GALNT13: variants seen among roughly 807,000 people sequenced by gnomAD.
GALNT13 encodes the protein polypeptide N-acetylgalactosaminyltransferase 13, also known as UDP-GalNAc:polypeptide N-acetylgalactosaminyltransferase 13.
In GALNT13, 28 loss-of-function variants were observed where a neutral mutation model predicts 64.2. That is an observed-to-expected ratio of 0.44 (90% CI 0.32 to 0.60). The LOEUF is 0.60. Ranked by LOEUF, GALNT13 falls within the 20% of genes least tolerant of loss-of-function variation. The probability of loss-of-function intolerance (pLI) is 0.05; values close to 1 mark genes in which losing one functional copy is unlikely to be tolerated. For missense variants in GALNT13, 577 were observed against 669.8 expected (o/e 0.86, Z 1.53); for synonymous variants, 214 against 224.6 (o/e 0.95, Z 0.42).
chr2:153,201,943 C>CCACAGGAT, the GALNT13 span, among the ~76,000 whole-genome samples: 1 of 151,148 alleles, frequency 6.6e-6, no homozygotes, highest in Non-Finnish European at 1.5e-5. Context: ...TATTAATATT[C>CCACAGGAT]CACAGGATGG....
intron 3 of GALNT13, among the ~76,000 whole-genome samples, chr2:154,113,044 C>T (rs1476915153): frequency 6.6e-6 from 1 of 152,130 alleles, no homozygotes; most frequent in Non-Finnish European, 1.5e-5. Flanking sequence ...AGAAAGCACC[C>T]AGTTCATGAT....
At chr2:153,561,485 A>G in the GALNT13 span, among the ~76,000 whole-genome samples, 1 of 152,114 alleles carries the variant, frequency 6.6e-6, no homozygotes, top group South Asian at 2.1e-4. Context: ...TATTTTGGGC[A>G]CAAAATAATG....
At chr2:153,676,014 T>A in the GALNT13 span, among the ~76,000 whole-genome samples, 1 of 151,774 alleles carries the variant, frequency 6.6e-6, no homozygotes, top group Non-Finnish European at 1.5e-5. Flanking sequence ...ACAACTACAA[T>A]CAGAGCTGAA....
At chr2:154,090,820 A>T (rs1311319636) in intron 3 of GALNT13, among the ~76,000 whole-genome samples, 3 of 152,050 alleles carry the variant, frequency 2.0e-5, no homozygotes, top group Non-Finnish European at 4.4e-5. Context: ...AGATATTAAA[A>T]ATCTAAAATA....
At chr2:153,264,004 A>G in the GALNT13 span, among the ~76,000 whole-genome samples, 4 of 152,224 alleles carry the variant, frequency 2.6e-5, no homozygotes, top group Non-Finnish European at 5.9e-5. Context: ...ATCATAGTGA[A>G]CAGACAACCC....
At chr2:153,189,594 C>T in the GALNT13 span, among the ~76,000 whole-genome samples, 2 of 152,058 alleles carry the variant, frequency 1.3e-5, no homozygotes, top group African/African-American at 4.8e-5. Context: ...ACAGTGATTT[C>T]CTTTCCTTTG....
intron 3 of GALNT13, among the ~76,000 whole-genome samples, chr2:153,975,399 G>C (rs575592242): frequency 1.3e-5 from 2 of 151,956 alleles, no homozygotes; most frequent in Non-Finnish European, 2.9e-5. Context: ...TCTGGCACAT[G>C]CCTCTCTCTC....
the GALNT13 span, among the ~76,000 whole-genome samples, chr2:153,311,225 C>G: frequency 6.6e-6 from 1 of 152,050 alleles, no homozygotes; most frequent in Non-Finnish European, 1.5e-5. Flanking sequence ...TAAATAGGAA[C>G]AATTTATGTT....
chr2:153,521,533 T>A, the GALNT13 span, among the ~76,000 whole-genome samples: 1 of 152,202 alleles, frequency 6.6e-6, no homozygotes, highest in Non-Finnish European at 1.5e-5. Context: ...GAACCCACAA[T>A]GACACATCAT....
chr2:153,790,340 A>G, the GALNT13 span, among the ~76,000 whole-genome samples: 2 of 152,218 alleles, frequency 1.3e-5, no homozygotes, highest in Non-Finnish European at 2.9e-5. Context: ...TTACATGATC[A>G]TCTCAATAGA....
chr2:153,244,734 C>G, the GALNT13 span, among the ~76,000 whole-genome samples: 13 of 152,310 alleles, frequency 8.5e-5, no homozygotes, highest in African/African-American at 2.9e-4. Context: ...GCTTGAAACC[C>G]AGGTGCCTGG....
chr2:153,431,374 T>C, the GALNT13 span, among the ~76,000 whole-genome samples: 258 of 152,270 alleles, frequency 1.7e-3, 6 homozygotes, highest in East Asian at 0.034. Flanking sequence ...ATGCCATGTG[T>C]AGATGTCTTT....
At chr2:154,424,169 G>A (rs986153793) in intron 11 of GALNT13, among the ~76,000 whole-genome samples, 1 of 152,050 alleles carries the variant, frequency 6.6e-6, no homozygotes, top group Non-Finnish European at 1.5e-5. Flanking sequence ...GATTCGTAGG[G>A]GAACATGATG....
the GALNT13 span, among the ~76,000 whole-genome samples, chr2:153,664,308 T>A: frequency 6.6e-6 from 1 of 152,300 alleles, no homozygotes; most frequent in African/African-American, 2.4e-5. Flanking sequence ...GGGAAAAGAA[T>A]TCAGTGATAT....
intron 8 of GALNT13, among the ~76,000 whole-genome samples, chr2:154,268,653 G>A (rs1033157380): frequency 2.0e-5 from 3 of 150,364 alleles, no homozygotes; most frequent in African/African-American, 7.3e-5. Context: ...AGAGAGAGAG[G>A]CATACTCCAA....
At chr2:153,443,100 A>G in the GALNT13 span, among the ~76,000 whole-genome samples, 2 of 152,116 alleles carry the variant, frequency 1.3e-5, no homozygotes, top group Non-Finnish European at 2.9e-5. Context: ...GTGTCTGAAA[A>G]AAAACTCTTG....
At chr2:153,869,185 T>G, upstream of GALNT13, among the ~76,000 whole-genome samples, 1 of 152,176 alleles carries the variant, frequency 6.6e-6, no homozygotes, top group East Asian at 1.9e-4. Flanking sequence ...GGCTTTCTTA[T>G]ATATGATCAC....
chr2:153,627,980 T>C, the GALNT13 span, among the ~76,000 whole-genome samples: 1 of 152,192 alleles, frequency 6.6e-6, no homozygotes, highest in Non-Finnish European at 1.5e-5. Context: ...TTCCCACCCA[T>C]GAGCATGGAA....
the GALNT13 span, among the ~76,000 whole-genome samples, chr2:153,360,096 A>G: frequency 6.6e-6 from 1 of 152,182 alleles, no homozygotes; most frequent in Admixed American, 6.5e-5. Flanking sequence ...GAGGTATCCA[A>G]GTTTCTGTTA....
Sources: gnomAD v4.1 joint callset for allele counts (sites outside exome capture counted in the v4.1 genomes callset) on GRCh38, gnomAD v4.1.1 for gene constraint, MANE v1.5 for transcripts, NCBI Gene and HGNC (gene_info 2026-07-23, HGNC 2026-07-21) for gene names.